Variants in HDHD5 observed in about 807,000 individuals in gnomAD.
The protein encoded by HDHD5 is haloacid dehalogenase like hydrolase domain containing 5.
A neutral mutation model predicts 35.5 loss-of-function variants in HDHD5; 34 were observed. That is an observed-to-expected ratio of 0.96 (90% confidence interval 0.73 to 1.28). The LOEUF is 1.28. Among genes scored for constraint, HDHD5 ranks in the 50% most tolerant of loss-of-function variants. HDHD5 has a pLI of 0.00. For synonymous variants in HDHD5, 248 were observed against 240.6 expected (o/e 1.03, Z -0.29); for missense variants, 589 against 560.2 (o/e 1.05, Z -0.52).
chr22:17,159,580 G>A, upstream of HDHD5: 1 of 429,676 alleles, frequency 2.3e-6, no homozygotes, highest in South Asian at 1.6e-5. Flanking sequence ...CCCCAGGCCG[G>A]CCTCCCTCAG....
intron 4 of HDHD5, among the ~76,000 whole-genome samples, 194 bp downstream of exon 4, chr22:17,144,830 T>C (rs1480910738): frequency 6.6e-6 from 1 of 151,938 alleles, no homozygotes; most frequent in African/African-American, 2.4e-5. Flanking sequence ...GGATTACAGG[T>C]GTAAGCCACC....
intron 1 of HDHD5, among the ~76,000 whole-genome samples, chr22:17,157,334 C>T (rs2061809983): frequency 6.8e-6 from 1 of 146,616 alleles, no homozygotes; most frequent in Admixed American, 6.9e-5. Context: ...ATGGCCCGAT[C>T]TCCGCTCACC....
intron 1 of HDHD5, among the ~76,000 whole-genome samples, chr22:17,150,545 G>T: frequency 6.8e-6 from 1 of 146,300 alleles, no homozygotes; most frequent in African/African-American, 2.6e-5. Context: ...TTGAGACAGA[G>T]TCTTGCTCTG....
chr22:17,160,065 G>C (rs1427138524), upstream of HDHD5, among the ~76,000 whole-genome samples: 3 of 152,238 alleles, frequency 2.0e-5, no homozygotes, highest in Non-Finnish European at 2.9e-5. Context: ...CTGGAGGAAA[G>C]AGGTCTCCAT....
At position 17,141,040 on chromosome 22, in the gene HDHD5, G is replaced by T. The variant is rs1335320689; in HGVS notation, c.746+19C>A. On this transcript the variant is annotated intron_variant, in intron 6 of 7. Transcript: ENST00000336737. ...AGGAATAGACCACCAGGCCAAGGCTGGGAGCTTTGTGTCCTCACCTGGGCA... is the reference window on the plus strand; with the variant it reads ...AGGAATAGACCACCAGGCCAAGGCTTGGAGCTTTGTGTCCTCACCTGGGCA... 6.4e-7 allele frequency: 1 copy of T among 1,561,674 alleles called. No individual in the cohort carries two copies. Among genetic ancestry groups the T allele is most frequent in the African/African-American group, 1.4e-5 (1 of 71,326 alleles).
rs9617960 is a variant in HDHD5, at chr22:17,154,880, C to G, written c.126+4246G>C. ...TCCTGGGCTCAAGTAATCCTTCCAA[C>G]TCCCAAAGTGCTCAGATTACAGGTG... On this transcript the variant is annotated intron_variant, in intron 1 of 7. Coordinates refer to ENST00000336737, the MANE Select transcript of HDHD5 (RefSeq NM_033070.3). Among the ~76,000 whole-genome samples, 1,268 of 151,952 alleles carry G rather than the reference C, an allele frequency of 8.3e-3. 11 individuals are homozygous for G. The highest frequency in any genetic ancestry group is 0.029 in the African/African-American group (1,215 of 41,376).
intron 1 of HDHD5, 154 bp downstream of exon 1, chr22:17,158,972 C>T (rs1367644237): frequency 2.4e-5 from 16 of 674,018 alleles, no homozygotes; most frequent in African/African-American, 3.8e-5. Flanking sequence ...ATCCGCCCTC[C>T]AGCAAGAACG....
Position 17,138,119 on chromosome 22 carries a change from A to G in HDHD5, c.1174T>C (p.Cys392Arg), listed in dbSNP as rs2061554100. ...GCCTCCATGAGCCCTGGACTGAAGCATAAGTCTCGGTGCCCGTGGAATGGA... is the reference window on the plus strand; with the variant it reads ...GCCTCCATGAGCCCTGGACTGAAGCGTAAGTCTCGGTGCCCGTGGAATGGA... ...EPPFHGHRDL[C>R]FSPGLMEASH... The change falls in exon 8 of 8, where the codon TGC becomes CGC. Residue 392 changes from cysteine to arginine, a missense_variant. Cys to Arg is a radical substitution (Grantham distance 180). Coordinates refer to ENST00000336737, the MANE Select transcript of HDHD5 (RefSeq NM_033070.3). The G allele has an allele frequency of 5.0e-6, 8 of 1,614,088 alleles. No individual in the cohort carries two copies. The highest frequency in any genetic ancestry group is 1.3e-5 in the African/African-American group (1 of 75,014).
intron 1 of HDHD5, among the ~76,000 whole-genome samples, chr22:17,157,535 C>A: frequency 6.6e-6 from 1 of 152,174 alleles, no homozygotes; most frequent in East Asian, 1.9e-4. Flanking sequence ...TGTCATCCTG[C>A]ATTCTTCTTT....
intron 3 of HDHD5, 140 bp downstream of exon 3, chr22:17,148,308 G>A: frequency 1.4e-6 from 1 of 720,328 alleles, no homozygotes; most frequent in East Asian, 2.5e-5. Flanking sequence ...GTCGGGAGCT[G>A]TCCTCCCTCC....
rs1042739103 is a variant in HDHD5, at chr22:17,138,572, T to C, written c.913A>G (p.Ile305Val). Reference sequence around the variant, plus strand: ...TACCCCACAGCATAGAGCTTCCGGATGGGGGCGGCCCAGCCCCGCCTCTCC... The same window carrying C: ...TACCCCACAGCATAGAGCTTCCGGACGGGGGCGGCCCAGCCCCGCCTCTCC... ...QAERRGWAAP[I>V]RKLYAVGDNP... The change falls in exon 7 of 8, where the codon ATC becomes GTC. Residue 305 changes from isoleucine to valine, a missense_variant. Ile to Val is a conservative substitution (Grantham distance 29). Coordinates refer to ENST00000336737, the MANE Select transcript of HDHD5 (RefSeq NM_033070.3). 3 of 1,613,688 alleles carry C rather than the reference T, an allele frequency of 1.9e-6. No individual in the cohort carries two copies.
At chr22:17,163,268 A>G (rs913044549), upstream of HDHD5, among the ~76,000 whole-genome samples, 10 of 152,144 alleles carry the variant, frequency 6.6e-5, no homozygotes, top group Non-Finnish European at 1.0e-4. Context: ...GTAGCCTTCT[A>G]TGCGCTGACT....
intron 6 of HDHD5, 31 bp from the exon 7 acceptor site, chr22:17,138,769 C>T: frequency 6.2e-7 from 1 of 1,612,786 alleles, no homozygotes; most frequent in Non-Finnish European, 8.5e-7. Context: ...GCAGTTCAGT[C>T]TTCCTGATCT....
upstream of HDHD5, chr22:17,159,418 G>C (rs928337754): frequency 1.4e-6 from 1 of 721,014 alleles, no homozygotes; most frequent in Admixed American, 2.3e-5. Context: ...CAGGCCAAAG[G>C]GGCTCCGTTG....
At chr22:17,140,467 C>A (rs2061587407) in intron 6 of HDHD5, among the ~76,000 whole-genome samples, 3 of 152,072 alleles carry the variant, frequency 2.0e-5, no homozygotes, top group Non-Finnish European at 4.4e-5. Flanking sequence ...CGCCTGTAAT[C>A]CCGGCACTTT....
chr22:17,161,794 C>T (rs533498949), upstream of HDHD5, among the ~76,000 whole-genome samples: 4 of 150,894 alleles, frequency 2.7e-5, no homozygotes, highest in Admixed American at 6.6e-5. Context: ...GGGAGGATCG[C>T]TTGAGCTCAG....
chr22:17,152,701 C>T (rs1203782075), intron 1 of HDHD5, among the ~76,000 whole-genome samples: 2 of 152,036 alleles, frequency 1.3e-5, no homozygotes, highest in Non-Finnish European at 2.9e-5. Flanking sequence ...TAATGGACCA[C>T]ACAAGACCTG....
chr22:17,156,384 G>A (rs575557448), intron 1 of HDHD5, among the ~76,000 whole-genome samples: 49 of 152,302 alleles, frequency 3.2e-4, no homozygotes, highest in East Asian at 9.7e-4. Context: ...AGGCCAAGGC[G>A]GGCGTATCAT....
At chr22:17,139,762 G>A (rs1414701580) in intron 6 of HDHD5, among the ~76,000 whole-genome samples, 3 of 152,138 alleles carry the variant, frequency 2.0e-5, no homozygotes, top group Non-Finnish European at 2.9e-5. Flanking sequence ...TAGTAGAGAC[G>A]GGGTTTTGCC....
Sources: gnomAD v4.1 joint callset for allele counts (sites outside exome capture counted in the v4.1 genomes callset) on GRCh38, gnomAD v4.1.1 for gene constraint, MANE v1.5 for transcripts, NCBI Gene and HGNC (gene_info 2026-07-23, HGNC 2026-07-21) for gene names.